KDM2B: variants seen among roughly 807,000 people sequenced by gnomAD.
KDM2B encodes the protein lysine-specific demethylase 2B.
In KDM2B, 26 loss-of-function variants were observed where a neutral mutation model predicts 150.0. The ratio of observed to expected loss-of-function variants is 0.17; its 90% CI spans 0.13 to 0.24. KDM2B has a LOEUF of 0.24. Among genes scored for constraint, KDM2B ranks in the 10% least tolerant of loss-of-function variants. The probability of loss-of-function intolerance (pLI) is 1.00; values close to 1 mark genes in which losing one functional copy is unlikely to be tolerated. For missense variants in KDM2B, 1,265 were observed against 1,816.9 expected (o/e 0.70, Z 5.52); for synonymous variants, 734 against 729.5 (o/e 1.01, Z -0.10).
intron 16 of KDM2B, 84 bp from the exon 17 acceptor site, chr12:121,443,877 A>T: frequency 7.2e-7 from 1 of 1,394,298 alleles, no homozygotes; most frequent in Non-Finnish European, 9.8e-7. Context: ...GACTTAGGTG[A>T]CCTGCTCAGG....
At chr12:121,510,927 G>GTAGT (rs1226764038) in intron 10 of KDM2B, among the ~76,000 whole-genome samples, 6 of 152,108 alleles carry the variant, frequency 3.9e-5, no homozygotes, top group Admixed American at 3.9e-4. Flanking sequence ...AAGTAGATGA[G>GTAGT]TAGTTGCCTA....
chr12:121,420,298 G>GGAT, the KDM2B span: 36 of 1,584,840 alleles, frequency 2.3e-5, no homozygotes, highest in Middle Eastern at 1.2e-3. Flanking sequence ...ACGATGATGA[G>GGAT]GATGATGATG....
At chr12:121,511,761 G>C (rs114125282) in intron 10 of KDM2B, among the ~76,000 whole-genome samples, 3,029 of 152,304 alleles carry the variant, frequency 0.02, 108 homozygotes, top group African/African-American at 0.069. Context: ...TCCTAATAGG[G>C]CTGCTTAAAA....
chr12:121,464,526 G>A (rs1431494693), intron 12 of KDM2B, among the ~76,000 whole-genome samples: 1 of 152,238 alleles, frequency 6.6e-6, no homozygotes, highest in Non-Finnish European at 1.5e-5. Flanking sequence ...ACAGGCCAGC[G>A]CAGCACGACA....
chr12:121,430,690 C>A lies in KDM2B; in HGVS notation c.3830-221G>T. Reference sequence around the variant, plus strand: ...TAAAGGTTAATATATGCCTCAAAAGCATTCAGATAACCACGTGAAAATCAC... The same window carrying A: ...TAAAGGTTAATATATGCCTCAAAAGAATTCAGATAACCACGTGAAAATCAC... On this transcript the variant is annotated intron_variant, in intron 22 of 22. Transcript: ENST00000377071. The surrounding 1 kb of genome is among the most constrained non-coding windows in gnomAD (Gnocchi z 4.4). 1 of 570,490 alleles carries A rather than the reference C, an allele frequency of 1.8e-6. No homozygotes were observed. Among genetic ancestry groups the A allele is most frequent in the African/African-American group, 1.9e-5 (1 of 53,788 alleles). 35.3% of individuals were successfully genotyped at this position (570,490 alleles called of 1,614,324 possible).
rs181846261 is a variant in KDM2B, at chr12:121,579,300, G to A, written c.127-354C>T. ...ACCCGCGAAGGGGGCTCCGGACACG[G>A]GCTGGCGGGGCAAATGTAGGCCCCA... is the stretch of plus-strand genomic sequence containing the variant. On this transcript the variant is annotated intron_variant, in intron 1 of 22. Coordinates refer to ENST00000377071, the MANE Select transcript of KDM2B (RefSeq NM_032590.5). 7.6e-3 allele frequency among the ~76,000 whole-genome samples: 1,163 copies of A among 152,340 alleles called. 20 individuals are homozygous for A. The highest frequency in any genetic ancestry group is 0.027 in the African/African-American group (1,118 of 41,590).
At chr12:121,525,159 GAAGT>G (rs1434521625) in intron 8 of KDM2B, among the ~76,000 whole-genome samples, 2 of 152,214 alleles carry the variant, frequency 1.3e-5, no homozygotes, top group African/African-American at 4.8e-5. Flanking sequence ...CTGCTGACAT[GAAGT>G]AAGGATACTC....
intron 4 of KDM2B, among the ~76,000 whole-genome samples, chr12:121,558,599 G>A (rs1037463745): frequency 2.6e-4 from 40 of 151,994 alleles, no homozygotes; most frequent in Middle Eastern, 3.4e-3. Context: ...GACTACAGGC[G>A]CATGCCACCA....
rs1555298929 is a variant in KDM2B at position 121,486,360 on chromosome 12, T to TTTA, written c.1734+8218_1734+8219insTAA. Among the ~76,000 whole-genome samples the TTTA allele has an allele frequency of 2.8e-5, 4 of 140,870 alleles. 1 individual carries two copies. The highest frequency in any genetic ancestry group is 5.4e-5 in the African/African-American group (2 of 37,046). The allele number at this position is 140,870 out of a possible 152,430, so 92.4% of individuals were successfully genotyped here. ...TTTTTTTTTTTTTTTTTTTTTTTTT[T>TTTA]AGGGGAAACGGGGTTTCATCATCTT... On this transcript the variant is annotated intron_variant, in intron 12 of 22. Transcript: ENST00000377071.
intron 12 of KDM2B, among the ~76,000 whole-genome samples, chr12:121,455,735 C>T (rs973987077): frequency 2.0e-5 from 3 of 152,166 alleles, no homozygotes; most frequent in African/African-American, 4.8e-5. Context: ...TCCATCCTTA[C>T]AATGAGGGCC....
rs1401934796 is a variant in KDM2B at position 121,429,437 on chromosome 12, G to A, written c.*851C>T. 1 of 154,238 alleles carries A rather than the reference G, an allele frequency of 6.5e-6. No homozygotes were observed. Among genetic ancestry groups the A allele is most frequent in the East Asian group, 1.9e-4 (1 of 5,224 alleles). The allele number at this position is 154,238 out of a possible 1,614,324, so 9.6% of individuals were successfully genotyped here. ...AAATTAGATCTATGTAAGTACAAGA[G>A]CTCATGCTGGAGCAGAACCTCCTGA... On this transcript the variant is annotated 3_prime_UTR_variant, in exon 23 of 23. Coordinates refer to ENST00000377071, the MANE Select transcript of KDM2B (RefSeq NM_032590.5).
At chr12:121,413,159 G>T in the KDM2B span, among the ~76,000 whole-genome samples, 4 of 152,042 alleles carry the variant, frequency 2.6e-5, no homozygotes, top group African/African-American at 9.7e-5. Flanking sequence ...CCAAGTAGCT[G>T]GGATTACAGG....
At chr12:121,577,829 C>T (rs1891609547) in intron 2 of KDM2B, among the ~76,000 whole-genome samples, 1 of 152,150 alleles carries the variant, frequency 6.6e-6, no homozygotes, top group Non-Finnish European at 1.5e-5. Flanking sequence ...GGTTCCTCAA[C>T]CAGGAGCCAC....
At chr12:121,417,891 A>G in the KDM2B span, 1 of 1,613,960 alleles carries the variant, frequency 6.2e-7, no homozygotes, top group Non-Finnish European at 8.5e-7. This position sits in a 1 kb window ranked among gnomAD's most constrained non-coding sequence, Gnocchi z 5.0. Context: ...CCAAACATCC[A>G]GATCTGGAGT....
intron 12 of KDM2B, among the ~76,000 whole-genome samples, chr12:121,488,579 G>A (rs1555299376): frequency 6.6e-6 from 1 of 152,174 alleles, no homozygotes; most frequent in African/African-American, 2.4e-5. Context: ...GAGTAGTGCA[G>A]AGAATGACCT....
rs1877594001 is a variant in KDM2B at position 121,453,075 on chromosome 12, C to T, written c.1959+45G>A. Reference sequence around the variant, plus strand: ...GCGGTCAGACACGCGGGCCGGCACGCAGGGGCCTGAATCGAGCGCAGGGCT... The same window carrying T: ...GCGGTCAGACACGCGGGCCGGCACGTAGGGGCCTGAATCGAGCGCAGGGCT... On this transcript the variant is annotated intron_variant, in intron 13 of 22. Coordinates refer to ENST00000377071, the MANE Select transcript of KDM2B (RefSeq NM_032590.5). The surrounding 1 kb of genome is among the most constrained non-coding windows in gnomAD (Gnocchi z 6.4). 6.6e-7 allele frequency: 1 copy of T among 1,507,908 alleles called. No homozygotes were observed. Among genetic ancestry groups the T allele is most frequent in the Non-Finnish European group, 8.9e-7 (1 of 1,120,572 alleles). 93.4% of individuals were successfully genotyped at this position (1,507,908 alleles called of 1,614,324 possible). A position where few individuals can be genotyped will look rare whatever the true frequency, so the allele number is the denominator to read the frequency against.
intron 4 of KDM2B, among the ~76,000 whole-genome samples, chr12:121,554,044 C>CACACACACACACAT (rs1566411493): frequency 7.2e-6 from 1 of 138,166 alleles, no homozygotes; most frequent in African/African-American, 2.8e-5. Context: ...CACACACACA[C>CACACACACACACAT]ACACACACAC....
chr12:121,564,187 G>A lies in KDM2B; in HGVS notation c.397+10360C>T, dbSNP rs1056018832. On this transcript the variant is annotated intron_variant, in intron 4 of 22. Coordinates refer to ENST00000377071, the MANE Select transcript of KDM2B (RefSeq NM_032590.5). Reference sequence around the variant, plus strand: ...AATATATTAAAAGAGGTCAGGTACTGTGGCTCACGCCTGTAATCTCAGCAC... The same window carrying A: ...AATATATTAAAAGAGGTCAGGTACTATGGCTCACGCCTGTAATCTCAGCAC... Among the ~76,000 whole-genome samples the A allele has an allele frequency of 3.9e-5, 6 of 152,158 alleles. 1 individual carries two copies. Among genetic ancestry groups the A allele is most frequent in the Non-Finnish European group, 8.8e-5 (6 of 68,042 alleles).
At chr12:121,551,156 T>A (rs546583366) in intron 4 of KDM2B, among the ~76,000 whole-genome samples, 1 of 152,172 alleles carries the variant, frequency 6.6e-6, no homozygotes, top group African/African-American at 2.4e-5. Flanking sequence ...TCCCGTTCAC[T>A]GAACCTGCCC....
Sources: gnomAD v4.1 joint callset for allele counts (sites outside exome capture counted in the v4.1 genomes callset) on GRCh38, gnomAD v4.1.1 for gene constraint, Gnocchi (gnomAD v3.1) non-coding constraint, MANE v1.5 for transcripts, NCBI Gene and HGNC (gene_info 2026-07-23, HGNC 2026-07-21) for gene names.